The following PHEX variants were observed in gnomAD, a reference collection of about 807,000 sequenced individuals.
The protein encoded by PHEX is phosphate-regulating neutral endopeptidase PHEX.
A neutral mutation model predicts 68.0 loss-of-function variants in PHEX; 16 were observed. The observed-to-expected ratio is 0.24, with a 90% CI of 0.16 to 0.36. The LOEUF is 0.36. Among genes scored for constraint, PHEX ranks in the 10% least tolerant of loss-of-function variants. The probability of loss-of-function intolerance (pLI) is 1.00; values close to 1 mark genes in which losing one functional copy is unlikely to be tolerated. For synonymous variants in PHEX, 208 were observed against 205.1 expected, an observed-to-expected ratio of 1.01 and a Z score of -0.12; for missense variants, 480 against 575.5, an observed-to-expected ratio of 0.83 and a Z score of 1.70.
At chrX:22,206,004 G>A (rs1335599690) in intron 15 of PHEX, among the ~76,000 whole-genome samples, 1 of 112,170 alleles carries the variant, frequency 8.9e-6, no homozygotes, top group African/African-American at 3.2e-5. Flanking sequence ...ATACAGGAGT[G>A]ATGGTATTTG....
intron 9 of PHEX, among the ~76,000 whole-genome samples, chrX:22,108,541 C>T (rs1047196689): frequency 4.5e-5 from 5 of 111,846 alleles, no homozygotes; most frequent in Admixed American, 1.9e-4. Context: ...AAAATAATTA[C>T]ACTTTATTGA....
intron 3 of PHEX, among the ~76,000 whole-genome samples, chrX:22,067,254 A>G (rs1928647950): frequency 9.0e-6 from 1 of 110,678 alleles, no homozygotes; most frequent in African/African-American, 3.3e-5. Context: ...AAAAAAAAAA[A>G]AGAAAGAAAT....
intron 13 of PHEX, among the ~76,000 whole-genome samples, chrX:22,170,824 A>G (rs747681039): frequency 8.9e-6 from 1 of 112,531 alleles, no homozygotes; most frequent in Non-Finnish European, 1.9e-5. Flanking sequence ...CATTGAATGC[A>G]ATATCTTTTG....
At chrX:22,236,939 T>C (rs1214750247) in intron 20 of PHEX, among the ~76,000 whole-genome samples, 2 of 112,545 alleles carry the variant, frequency 1.8e-5, no homozygotes, top group Non-Finnish European at 3.8e-5. Flanking sequence ...GACTGATTTA[T>C]TGTAAACTAA....
chrX:22,242,957 G>T (rs1010337710), intron 20 of PHEX, among the ~76,000 whole-genome samples: 1 of 111,532 alleles, frequency 9.0e-6, no homozygotes, highest in South Asian at 3.8e-4. Flanking sequence ...AACCAAAAAG[G>T]AGCCCATATA....
rs777595187 is a variant in PHEX at position 22,234,490 on chromosome X, T to G, written c.2070+6879T>G. On this transcript the variant is annotated intron_variant, in intron 20 of 21. Transcript: ENST00000379374. ...TGCCCAGAGAGGTGACATCTGGCAG[T>G]CTGGCCACAGTGGCCGTGCTGAGCT... is the stretch of plus-strand genomic sequence containing the variant. Among the ~76,000 whole-genome samples the G allele has an allele frequency of 5.6e-3, 618 of 110,605 alleles. 8 individuals carry two copies. The highest frequency in any genetic ancestry group is 0.02 in the African/African-American group (595 of 30,409).
intron 3 of PHEX, among the ~76,000 whole-genome samples, chrX:22,048,203 T>C (rs1419291052): frequency 8.9e-6 from 1 of 111,756 alleles, no homozygotes; most frequent in Non-Finnish European, 1.9e-5. Flanking sequence ...CACAACTAGA[T>C]ATAAATCACA....
intron 14 of PHEX, among the ~76,000 whole-genome samples, chrX:22,182,602 G>GTA (rs1384738446): frequency 9.0e-6 from 1 of 110,959 alleles, no homozygotes; most frequent in Non-Finnish European, 1.9e-5. Flanking sequence ...TTGTGTGTGT[G>GTA]TGTGTGTGTG....
At chrX:22,216,541 C>G (rs1484141643) in intron 16 of PHEX, among the ~76,000 whole-genome samples, 8 of 107,365 alleles carry the variant, frequency 7.5e-5, no homozygotes, top group African/African-American at 2.7e-4. Context: ...ATTTATGAGA[C>G]AGAGTTTTGC....
intron 12 of PHEX, among the ~76,000 whole-genome samples, chrX:22,157,583 T>C (rs914264579): frequency 8.9e-6 from 1 of 112,594 alleles, no homozygotes; most frequent in African/African-American, 3.2e-5. Context: ...AGGGAAATGT[T>C]TAGTGCCAGT....
rs1158276030 is a variant in PHEX at position 22,132,943 on chromosome X, G to A, written c.1303-580G>A. Among the ~76,000 whole-genome samples the A allele has an allele frequency of 4.5e-5, 5 of 110,281 alleles. No individual in the cohort carries two copies. The East Asian group carries it at 1.4e-3, about 31-fold the overall frequency. On this transcript the variant is annotated intron_variant, in intron 11 of 21. Coordinates refer to ENST00000379374, the MANE Select transcript of PHEX (RefSeq NM_000444.6). Reference sequence around the variant, plus strand: ...GCTTTGTTGCCCAGGCTGGAGTACAGTGGTGCAGTCATGGCTCACTGCAAC... The same window carrying A: ...GCTTTGTTGCCCAGGCTGGAGTACAATGGTGCAGTCATGGCTCACTGCAAC...
intron 12 of PHEX, among the ~76,000 whole-genome samples, chrX:22,138,343 A>G (rs898498101): frequency 8.9e-6 from 1 of 112,696 alleles, no homozygotes; most frequent in Non-Finnish European, 1.9e-5. Context: ...CGGGATTCGG[A>G]CTCAGAGATG....
At chrX:22,156,521 T>A (rs1932957585) in intron 12 of PHEX, among the ~76,000 whole-genome samples, 1 of 102,094 alleles carries the variant, frequency 9.8e-6, no homozygotes, top group African/African-American at 4.3e-5. Flanking sequence ...TCCGGACCAA[T>A]AAAACTTTCT....
intron 18 of PHEX, among the ~76,000 whole-genome samples, chrX:22,225,825 G>T (rs1387944932): frequency 2.7e-5 from 3 of 112,351 alleles, no homozygotes; most frequent in African/African-American, 9.7e-5. Flanking sequence ...CTCATTTAAA[G>T]TTTTGAGAAA....
intron 14 of PHEX, among the ~76,000 whole-genome samples, chrX:22,187,881 C>T (rs946953562): frequency 3.6e-5 from 4 of 111,694 alleles, no homozygotes; most frequent in Admixed American, 9.5e-5. Context: ...AATGCTTAGG[C>T]GAACTGGTTT....
intron 21 of PHEX, 119 bp downstream of exon 21, chrX:22,245,528 C>G: frequency 1.8e-6 from 1 of 552,459 alleles, no homozygotes; most frequent in Non-Finnish European, 3.2e-6. Flanking sequence ...ACATTGTGGA[C>G]GTGTGATTTC....
At chrX:22,235,501 T>TGGGTTGC (rs774870359) in intron 20 of PHEX, among the ~76,000 whole-genome samples, 1 of 111,274 alleles carries the variant, frequency 9.0e-6, no homozygotes, top group East Asian at 2.9e-4. Flanking sequence ...GGCTTTCTTC[T>TGGGTTGC]GGGTTGCACA....
intron 14 of PHEX, 109 bp downstream of exon 14, chrX:22,178,485 G>A: frequency 2.2e-6 from 1 of 446,053 alleles, no homozygotes; most frequent in Non-Finnish European, 3.8e-6. Flanking sequence ...TGGCTTGCCA[G>A]TTAACTTGTT....
At chrX:22,061,093 G>A (rs1430154928) in intron 3 of PHEX, among the ~76,000 whole-genome samples, 1 of 111,425 alleles carries the variant, frequency 9.0e-6, no homozygotes, top group Non-Finnish European at 1.9e-5. Flanking sequence ...GAATAATAAT[G>A]GAGCTGAGAA....
Sources: allele counts gnomAD v4.1 joint callset (sites outside exome capture counted in the v4.1 genomes callset), GRCh38; gene constraint gnomAD v4.1.1; transcripts MANE v1.5; gene names NCBI Gene and HGNC (gene_info 2026-07-23, HGNC 2026-07-21).